SNCAIP: variants seen among roughly 807,000 people sequenced by gnomAD.
The protein encoded by SNCAIP is synuclein alpha interacting protein, also known as synphilin-1.
SNCAIP carries 43 observed loss-of-function variants against 86.7 expected under a neutral mutation model. That is an observed-to-expected ratio of 0.50 (90% CI 0.39 to 0.64). SNCAIP has a LOEUF of 0.64. SNCAIP is among the 30% of genes least tolerant of loss of function. The pLI is 0.00. For missense variants in SNCAIP, 981 were observed against 1,103.1 expected, an observed-to-expected ratio of 0.89 and a Z score of 1.57; for synonymous variants, 417 against 427.2, an observed-to-expected ratio of 0.98 and a Z score of 0.29.
chr5:122,441,242 C>G (rs1780825068), intron 7 of SNCAIP: 2 of 170,888 alleles, frequency 1.2e-5, no homozygotes, highest in Non-Finnish European at 2.5e-5. Context: ...CCCCCTTTCT[C>G]TGTAGTAGGA....
chr5:122,400,582 G>A (rs1244103412), intron 2 of SNCAIP, among the ~76,000 whole-genome samples: 3 of 152,204 alleles, frequency 2.0e-5, no homozygotes, highest in Non-Finnish European at 4.4e-5. Context: ...AACTTACCAA[G>A]GGGAGAAAAG....
chr5:122,432,683 C>G (rs1394121572), intron 6 of SNCAIP, among the ~76,000 whole-genome samples: 1 of 152,004 alleles, frequency 6.6e-6, no homozygotes, highest in African/African-American at 2.4e-5. Flanking sequence ...CCAGATGGCT[C>G]TCAGTTGCAA....
At position 122,463,872 on chromosome 5, in the gene SNCAIP, T is replaced by C. The variant is rs1421652837; in HGVS notation, c.*376T>C. 1 of 219,688 alleles carries C rather than the reference T, an allele frequency of 4.6e-6. No homozygotes were observed. Among genetic ancestry groups the C allele is most frequent in the Non-Finnish European group, 9.0e-6 (1 of 111,704 alleles). 13.6% of individuals were successfully genotyped at this position (219,688 alleles called of 1,614,324 possible). ...GACATTCACCAAGCCACTGATACCA[T>C]TTTATATTTCATCAATTGCATGAGT... On this transcript the variant is annotated 3_prime_UTR_variant, in exon 11 of 11. Coordinates refer to ENST00000261368, the MANE Select transcript of SNCAIP (RefSeq NM_005460.4).
chr5:122,429,435 TGCCTAATTTAGGTAA>T (rs1777953433), intron 5 of SNCAIP, among the ~76,000 whole-genome samples: 1 of 144,984 alleles, frequency 6.9e-6, no homozygotes, highest in African/African-American at 2.6e-5. Flanking sequence ...AAGTAATGAA[TGCCTAATTTAGGTAA>T]ACTGACCAAA....
intron 10 of SNCAIP, among the ~76,000 whole-genome samples, chr5:122,455,708 TATAAC>T (rs1784604816): frequency 6.6e-6 from 1 of 152,208 alleles, no homozygotes. Flanking sequence ...GGACAATAAA[TATAAC>T]ATTTTTAACA....
chr5:122,451,369 G>C lies in SNCAIP; in HGVS notation c.2522G>C (p.Gly841Ala). 6.2e-7 allele frequency: 1 copy of C among 1,614,108 alleles called. No individual in the cohort carries two copies. Among genetic ancestry groups the C allele is most frequent in the Non-Finnish European group, 8.5e-7 (1 of 1,180,012 alleles). ...AATGGAGAAAAAGACAAAGATAAGG[G>C]CAGGACTCTCCAGCGGACCTCCACA... ...ELNGEKDKDK[G>A]RTLQRTSTSN... is the part of the protein sequence containing the mutation. Residue 841 changes from glycine to alanine, a missense_variant, in exon 10 of 11, where the codon GGC (glycine) becomes GCC (alanine). Transcript: ENST00000261368.
intron 10 of SNCAIP, among the ~76,000 whole-genome samples, chr5:122,458,557 A>G (rs536507320): frequency 6.6e-6 from 1 of 152,324 alleles, no homozygotes; most frequent in Admixed American, 6.5e-5. Flanking sequence ...AAAAATACCA[A>G]ATAGAGACTT....
At chr5:122,348,292 T>C (rs1759033250) in intron 1 of SNCAIP, among the ~76,000 whole-genome samples, 1 of 152,138 alleles carries the variant, frequency 6.6e-6, no homozygotes. Flanking sequence ...AAAAAAGACA[T>C]ATAAAATAGC....
intron 3 of SNCAIP, among the ~76,000 whole-genome samples, chr5:122,405,110 A>G (rs1772689350): frequency 6.6e-6 from 1 of 152,210 alleles, no homozygotes; most frequent in Non-Finnish European, 1.5e-5. Flanking sequence ...TGAACCAATG[A>G]CTATGATCAA....
chr5:122,414,122 T>C (rs1036980480), intron 3 of SNCAIP, among the ~76,000 whole-genome samples: 7 of 151,808 alleles, frequency 4.6e-5, no homozygotes, highest in Non-Finnish European at 7.4e-5. Context: ...TTACTCAGGC[T>C]GGTCTCAAAT....
chr5:122,432,053 C>T lies in SNCAIP; in HGVS notation c.1267C>T (p.Leu423Phe). 1 of 1,595,326 alleles carries T rather than the reference C, an allele frequency of 6.3e-7. No individual in the cohort carries two copies. Residue 423 changes from leucine (L) to phenylalanine (F), a missense_variant, in exon 6 of 11, where the codon CTT (leucine) becomes TTT (phenylalanine). Physicochemically the swap from Leu to Phe is conservative, Grantham distance 22. Coordinates refer to ENST00000261368, the MANE Select transcript of SNCAIP (RefSeq NM_005460.4). ...ELSCSKDFPS[L>F]IHYAGCYGQE... ...GAGTTGTTCTAAGGATTTTCCAAGC[C>T]TTATTCATTACGCAGGTTGCTATGG...
chr5:122,394,878 C>A (rs142481974), intron 2 of SNCAIP, among the ~76,000 whole-genome samples: 285 of 152,212 alleles, frequency 1.9e-3, no homozygotes, highest in Admixed American at 5.5e-3. Flanking sequence ...ATCAGCTTTG[C>A]GAGGCAAACT....
chr5:122,452,846 T>C (rs1222019249), intron 10 of SNCAIP: 2 of 864,860 alleles, frequency 2.3e-6, no homozygotes, highest in African/African-American at 1.7e-5. Context: ...TCTTCCTGCA[T>C]GCTTCATGTT....
chr5:122,421,175 G>C (rs1315943482), intron 3 of SNCAIP, among the ~76,000 whole-genome samples: 2 of 152,192 alleles, frequency 1.3e-5, no homozygotes, highest in Non-Finnish European at 2.9e-5. Flanking sequence ...TTACTTATTG[G>C]AGAGAATCGA....
chr5:122,412,795 C>CA (rs748813338), intron 3 of SNCAIP, among the ~76,000 whole-genome samples: 114 of 152,342 alleles, frequency 7.5e-4, no homozygotes, highest in Admixed American at 2.6e-4. Flanking sequence ...TGTTCCTCCT[C>CA]AGACTCTCTC....
intron 10 of SNCAIP, among the ~76,000 whole-genome samples, chr5:122,458,120 G>A (rs759970669): frequency 4.6e-5 from 7 of 152,192 alleles, no homozygotes; most frequent in Non-Finnish European, 1.0e-4. Context: ...AGTATGATAT[G>A]TTGAGACATA....
chr5:122,337,784 C>T (rs1281329399), intron 1 of SNCAIP, among the ~76,000 whole-genome samples: 4 of 152,212 alleles, frequency 2.6e-5, no homozygotes, highest in African/African-American at 9.6e-5. Context: ...AGGTGATGCG[C>T]CCACCTCGGC....
In SNCAIP at chr5:122,444,629, G is replaced by A. The variant is rs772413231; in HGVS notation, c.1489G>A (p.Ala497Thr). The A allele has an allele frequency of 4.3e-6, 7 of 1,613,948 alleles. No homozygotes were observed. In the South Asian group the frequency reaches 4.4e-5, roughly 10 times the overall value. ...NHAGEKPSQS[A>T]ERQGHTLCSR... ...CGCTGGGGAAAAGCCCTCCCAGAGC[G>A]CCGAGCGGCAGGGGCACACCCTGTG... The change falls in exon 8 of 11, where the codon GCC becomes ACC. Residue 497 changes from alanine (A) to threonine (T), a missense_variant. Physicochemically the swap from Ala to Thr is moderately conservative, Grantham distance 58. Coordinates refer to ENST00000261368, the MANE Select transcript of SNCAIP (RefSeq NM_005460.4).
At position 122,423,150 on chromosome 5, in the gene SNCAIP, C is replaced by T. The variant is rs1415465403; in HGVS notation, c.413C>T (p.Thr138Ile). ...CCAGGTAAGAGCTCTGAGCCCAGCA[C>T]ATCGCTGGGTGAACTGGAGCACTAC... is the stretch of plus-strand genomic sequence containing the variant. ...GPPGKSSEPS[T>I]SLGELEHYDL... The change falls in exon 4 of 11, where the codon ACA (threonine) becomes ATA (isoleucine). Residue 138 changes from threonine (T) to isoleucine (I), a missense_variant. Coordinates refer to ENST00000261368, the MANE Select transcript of SNCAIP (RefSeq NM_005460.4). 3.7e-6 allele frequency: 6 copies of T among 1,614,012 alleles called. No homozygotes were observed. The African/African-American group carries it at 6.7e-5, about 18-fold the overall frequency.
Sources: allele counts gnomAD v4.1 joint callset (sites outside exome capture counted in the v4.1 genomes callset), GRCh38; gene constraint gnomAD v4.1.1; transcripts MANE v1.5; gene names NCBI Gene and HGNC (gene_info 2026-07-23, HGNC 2026-07-21).